HCN4: variants seen among roughly 807,000 people sequenced by gnomAD.
HCN4 encodes the protein potassium/sodium hyperpolarization-activated cyclic nucleotide-gated channel 4.
In HCN4, 29 loss-of-function variants were observed where a neutral mutation model predicts 76.9. That is an observed-to-expected ratio of 0.38 (90% CI 0.28 to 0.51). The LOEUF (loss-of-function observed/expected upper bound fraction) is 0.51. HCN4 is among the 20% of genes least tolerant of loss of function. The probability of loss-of-function intolerance (pLI) is 0.90; values close to 1 mark genes in which losing one functional copy is unlikely to be tolerated. For missense variants in HCN4, 1,416 were observed against 1,715.2 expected (o/e 0.83, Z 3.08); for synonymous variants, 772 against 762.5 (o/e 1.01, Z -0.21).
chr15:73,324,122 C>T lies in HCN4; in HGVS notation c.2110G>A (p.Glu704Lys). The T allele has an allele frequency of 6.2e-7, 1 of 1,613,756 alleles. No individual in the cohort carries two copies. Among genetic ancestry groups the T allele is most frequent in the East Asian group, 2.2e-5 (1 of 44,872 alleles). The change falls in exon 7 of 8, where the codon GAG becomes AAG. Residue 704 changes from glutamate (E) to lysine (K), a missense_variant. Physicochemically the swap from Glu to Lys is moderately conservative, Grantham distance 56. Coordinates refer to ENST00000261917, the MANE Select transcript of HCN4 (RefSeq NM_005477.3). ...TCCAGGCGGTCCAGCGCCACGGTCT[C>T]GAAGGCCCTTCGCATCATGGGGTAC... ...EEYPMMRRAF[E>K]TVALDRLDRI...
chr15:73,367,697 C>T lies in HCN4; in HGVS notation c.574G>A (p.Gly192Arg), dbSNP rs1219862351. Reference sequence around the variant, plus strand: ...ATCTGGTCGCCGGCAGCCGCGCCTCCCTCCACTTTGATAGCGGTGTCCACC... The same window carrying T: ...ATCTGGTCGCCGGCAGCCGCGCCTCTCTCCACTTTGATAGCGGTGTCCACC... ...PSVDTAIKVEGGAAAGDQILP... is the reference protein window; with the variant it reads ...PSVDTAIKVERGAAAGDQILP... Residue 192 changes from glycine to arginine, a missense_variant, in exon 1 of 8, where the codon GGA (glycine) becomes AGA (arginine). By Grantham distance (125) the Gly-to-Arg change is moderately radical (BLOSUM62 -2). This residue lies in a region of HCN4 where 355 missense variants were observed against 347.8 expected (regional missense o/e 1.02). Coordinates refer to ENST00000261917, the MANE Select transcript of HCN4 (RefSeq NM_005477.3). This position sits in a 1 kb window ranked among gnomAD's most constrained non-coding sequence, Gnocchi z 7.5. The T allele has an allele frequency of 1.9e-6, 3 of 1,600,910 alleles. No individual in the cohort carries two copies.
At chr15:73,360,496 C>T (rs749589577) in intron 1 of HCN4, among the ~76,000 whole-genome samples, 1 of 152,162 alleles carries the variant, frequency 6.6e-6, no homozygotes, top group Non-Finnish European at 1.5e-5. Flanking sequence ...AGCCCCTCCT[C>T]GACGTTTTAA....
At chr15:73,356,622 C>G (rs2043082424) in intron 1 of HCN4, among the ~76,000 whole-genome samples, 1 of 151,950 alleles carries the variant, frequency 6.6e-6, no homozygotes. Flanking sequence ...CTGCAAGGGT[C>G]TACACCACCC....
intron 2 of HCN4, among the ~76,000 whole-genome samples, chr15:73,339,232 G>T (rs947171584): frequency 6.6e-6 from 1 of 152,206 alleles, no homozygotes; most frequent in Non-Finnish European, 1.5e-5. Flanking sequence ...GGAGAGGCTC[G>T]GGAGGGAGTC....
At chr15:73,341,226 T>C (rs543600921) in intron 2 of HCN4, among the ~76,000 whole-genome samples, 3 of 152,160 alleles carry the variant, frequency 2.0e-5, no homozygotes, top group East Asian at 3.9e-4. Context: ...CTGCAACCTC[T>C]GCCTCCTGGG....
chr15:73,344,907 A>T (rs1362543943), intron 1 of HCN4, among the ~76,000 whole-genome samples: 1 of 152,224 alleles, frequency 6.6e-6, no homozygotes, highest in Non-Finnish European at 1.5e-5. Flanking sequence ...TGGCCCCAAG[A>T]CCAAAAACTT....
intron 1 of HCN4, among the ~76,000 whole-genome samples, chr15:73,357,716 G>C (rs2043087567): frequency 6.6e-6 from 1 of 152,100 alleles, no homozygotes; most frequent in African/African-American, 2.4e-5. Context: ...GGGCCTTCAA[G>C]AGGCCTCACC....
intron 1 of HCN4, among the ~76,000 whole-genome samples, chr15:73,354,664 C>T (rs1567793553): frequency 6.6e-6 from 1 of 152,208 alleles, no homozygotes; most frequent in Admixed American, 6.5e-5. Flanking sequence ...AGGATGAGAA[C>T]ATTAATCCCC....
rs373689222 is a variant in HCN4 at position 73,343,556 on chromosome 15, G to A, written c.1038C>T (p.Phe346=). 3.1e-6 allele frequency: 5 copies of A among 1,614,206 alleles called. No individual in the cohort carries two copies. The highest frequency in any genetic ancestry group is 1.3e-5 in the African/African-American group (1 of 75,044). ...TGTAGTCCACGGGGATGGAGGAAATGAAATCTACCATGAACCAGCTTTTCA... is the reference window on the plus strand; with the variant it reads ...TGTAGTCCACGGGGATGGAGGAAATAAAATCTACCATGAACCAGCTTTTCA... ...KYLKSWFMVD[F]ISSIPVDYIF... Residue 346 remains phenylalanine, a synonymous_variant, in exon 2 of 8, where the codon TTC becomes TTT. Coordinates refer to ENST00000261917, the MANE Select transcript of HCN4 (RefSeq NM_005477.3). This position sits in a 1 kb window ranked among gnomAD's most constrained non-coding sequence, Gnocchi z 5.7.
At chr15:73,344,739 C>A (rs2043022571) in intron 1 of HCN4, among the ~76,000 whole-genome samples, 1 of 152,254 alleles carries the variant, frequency 6.6e-6, no homozygotes, top group Non-Finnish European at 1.5e-5. Context: ...GAGGAGGAGG[C>A]ACAACACCAA....
At chr15:73,353,615 C>A (rs1348076776) in intron 1 of HCN4, among the ~76,000 whole-genome samples, 2 of 152,180 alleles carry the variant, frequency 1.3e-5, no homozygotes, top group Non-Finnish European at 2.9e-5. Context: ...CCCTATCTGT[C>A]TAGCTCCTCT....
intron 1 of HCN4, among the ~76,000 whole-genome samples, chr15:73,361,574 C>A (rs1029037909): frequency 1.3e-5 from 2 of 152,230 alleles, no homozygotes; most frequent in Non-Finnish European, 2.9e-5. Context: ...CAGGAGCCGG[C>A]TGCCTCCTCG....
In HCN4 at chr15:73,367,683, G is replaced by C; in HGVS notation, c.588C>G (p.Ala196=). 6.2e-7 allele frequency: 1 copy of C among 1,601,360 alleles called. No individual in the cohort carries two copies. Among genetic ancestry groups the C allele is most frequent in the Non-Finnish European group, 8.5e-7 (1 of 1,179,194 alleles). Residue 196 remains alanine (A), a synonymous_variant, in exon 1 of 8, where the codon GCC becomes GCG. Coordinates refer to ENST00000261917, the MANE Select transcript of HCN4 (RefSeq NM_005477.3). The surrounding 1 kb of genome is among the most constrained non-coding windows in gnomAD (Gnocchi z 7.5). ...CGGCCTCCGGGAGGATCTGGTCGCC[G>C]GCAGCCGCGCCTCCCTCCACTTTGA... ...TAIKVEGGAA[A]GDQILPEAEV... is the part of the protein sequence containing the mutation.
intron 2 of HCN4, among the ~76,000 whole-genome samples, chr15:73,332,615 A>G (rs991376655): frequency 2.6e-5 from 4 of 152,218 alleles, no homozygotes; most frequent in African/African-American, 9.6e-5. Context: ...CAGAGAAGCC[A>G]CTTTCTCAGC....
intron 2 of HCN4, 74 bp from the exon 3 acceptor site, chr15:73,332,366 T>C: frequency 6.8e-7 from 1 of 1,462,000 alleles, no homozygotes. Context: ...TTCCCTGCCC[T>C]GGAGCTGCTG....
intron 1 of HCN4, among the ~76,000 whole-genome samples, chr15:73,358,316 G>A (rs1349309974): frequency 6.6e-6 from 1 of 152,210 alleles, no homozygotes; most frequent in African/African-American, 2.4e-5. Context: ...CTGTCTTTGG[G>A]GAAAGGAACA....
intron 1 of HCN4, among the ~76,000 whole-genome samples, chr15:73,366,708 G>A (rs1479815846): frequency 1.3e-5 from 2 of 152,210 alleles, no homozygotes; most frequent in East Asian, 1.9e-4. Flanking sequence ...GGGGACCCAC[G>A]AGTGGCCCAT....
chr15:73,347,255 G>GA (rs2043033655), intron 1 of HCN4, among the ~76,000 whole-genome samples: 1 of 151,950 alleles, frequency 6.6e-6, no homozygotes, highest in Non-Finnish European at 1.5e-5. Context: ...GTCTGCCCTA[G>GA]ACTACACAGC....
rs956683722 is a variant in HCN4 at position 73,328,018 on chromosome 15, G to A, written c.1590+1555C>T. 2.6e-5 allele frequency among the ~76,000 whole-genome samples: 4 copies of A among 152,176 alleles called. No individual in the cohort carries two copies. Among genetic ancestry groups the A allele is most frequent in the Non-Finnish European group, 4.4e-5 (3 of 68,038 alleles). Reference sequence around the variant, plus strand: ...AGGCATGGGGCATAAAACAGAAAACGACATACTGGGTCCTCCCCTCATGGA... The same window carrying A: ...AGGCATGGGGCATAAAACAGAAAACAACATACTGGGTCCTCCCCTCATGGA... On this transcript the variant is annotated intron_variant, in intron 4 of 7. Transcript: ENST00000261917. The surrounding 1 kb of genome is among the most constrained non-coding windows in gnomAD (Gnocchi z 4.0).
Sources: gnomAD v4.1 joint callset for allele counts (sites outside exome capture counted in the v4.1 genomes callset) on GRCh38, gnomAD v4.1.1 for gene constraint, gnomAD v4.1.1 regional missense constraint, Gnocchi (gnomAD v3.1) non-coding constraint, MANE v1.5 for transcripts, NCBI Gene and HGNC (gene_info 2026-07-23, HGNC 2026-07-21) for gene names.